Variants in PTPRD observed in about 807,000 individuals in gnomAD.
PTPRD encodes receptor-type tyrosine-protein phosphatase delta.
Under a neutral mutation model 214.5 loss-of-function variants are expected in PTPRD, and 34 were observed. That is an observed-to-expected ratio of 0.16 (90% CI 0.12 to 0.21). The LOEUF is 0.21. PTPRD is among the 10% of genes least tolerant of loss of function. The probability of loss-of-function intolerance (pLI) is 1.00; values close to 1 mark genes in which losing one functional copy is unlikely to be tolerated. For missense variants in PTPRD, 2,545 were observed against 2,398.7 expected (o/e 1.06, Z -1.27); for synonymous variants, 1,128 against 845.7 (o/e 1.33, Z -5.79).
intron 10 of PTPRD, among the ~76,000 whole-genome samples, chr9:9,113,399 A>G (rs1006148549): frequency 6.6e-6 from 1 of 152,088 alleles, no homozygotes; most frequent in Non-Finnish European, 1.5e-5. Flanking sequence ...AAAGGGGGAG[A>G]GTGTTGTCCT....
At chr9:9,254,344 T>C (rs1307227908) in intron 9 of PTPRD, among the ~76,000 whole-genome samples, 1 of 152,030 alleles carries the variant, frequency 6.6e-6, no homozygotes, top group East Asian at 1.9e-4. Flanking sequence ...ATTTATAAAT[T>C]ATATGGATGT....
At chr9:8,422,348 A>T (rs2094426235) in intron 35 of PTPRD, among the ~76,000 whole-genome samples, 1 of 152,088 alleles carries the variant, frequency 6.6e-6, no homozygotes, top group Admixed American at 6.6e-5. Context: ...CACATAGAAA[A>T]ACAAACATCC....
intron 2 of PTPRD, among the ~76,000 whole-genome samples, chr9:10,595,264 A>G (rs1489346509): frequency 6.6e-6 from 1 of 151,956 alleles, no homozygotes; most frequent in Non-Finnish European, 1.5e-5. Context: ...TGCTAATTAA[A>G]GAAAATCAAT....
chr9:9,797,775 G>T (rs1000461526), intron 5 of PTPRD, among the ~76,000 whole-genome samples: 1 of 152,170 alleles, frequency 6.6e-6, no homozygotes, highest in African/African-American at 2.4e-5. Flanking sequence ...TTGACCCCAG[G>T]CTGTGGAGGT....
intron 36 of PTPRD, among the ~76,000 whole-genome samples, chr9:8,391,207 T>C (rs1254857816): frequency 6.6e-6 from 1 of 152,138 alleles, no homozygotes; most frequent in East Asian, 1.9e-4. Flanking sequence ...TGATTGCCAC[T>C]TGCAATGACT....
intron 11 of PTPRD, among the ~76,000 whole-genome samples, chr9:8,756,310 T>C (rs888165199): frequency 6.6e-6 from 1 of 152,182 alleles, no homozygotes; most frequent in Non-Finnish European, 1.5e-5. Flanking sequence ...GGTTTTGTTG[T>C]CATTGTCCCC....
At chr9:8,885,863 T>C (rs949677347) in intron 11 of PTPRD, among the ~76,000 whole-genome samples, 12 of 152,240 alleles carry the variant, frequency 7.9e-5, no homozygotes, top group East Asian at 3.9e-4. Flanking sequence ...ATTATGAACA[T>C]AGAGAACATT....
intron 3 of PTPRD, among the ~76,000 whole-genome samples, chr9:10,169,260 G>C (rs2099183344): frequency 6.6e-6 from 1 of 151,692 alleles, no homozygotes; most frequent in Admixed American, 6.6e-5. Context: ...GGATCACGAG[G>C]TCAGGAGATC....
intron 7 of PTPRD, among the ~76,000 whole-genome samples, chr9:9,578,627 T>C (rs2089792512): frequency 6.6e-6 from 1 of 152,130 alleles, no homozygotes; most frequent in Admixed American, 6.6e-5. Flanking sequence ...AGGAAAATAA[T>C]ATTTAATCAG....
At chr9:8,350,479 A>C (rs181293898) in intron 39 of PTPRD, among the ~76,000 whole-genome samples, 2 of 152,322 alleles carry the variant, frequency 1.3e-5, no homozygotes, top group Admixed American at 1.3e-4. Context: ...ATCTATGAGA[A>C]AAGATTGAGT....
At chr9:10,010,174 G>C (rs1274809876) in intron 4 of PTPRD, among the ~76,000 whole-genome samples, 4 of 151,782 alleles carry the variant, frequency 2.6e-5, no homozygotes, top group Admixed American at 6.6e-5. Context: ...ACTTGTCCAT[G>C]TTCACCCAAC....
At chr9:8,936,123 C>T (rs1288056056) in intron 11 of PTPRD, 1 of 152,070 alleles carries the variant, frequency 6.6e-6, no homozygotes, top group Non-Finnish European at 1.5e-5. Context: ...AGAAAGAGAA[C>T]TTCAGGTCCA....
At chr9:8,341,354 C>G in intron 40 of PTPRD, 86 bp from the exon 41 acceptor site, 1 of 1,368,258 alleles carries the variant, frequency 7.3e-7, no homozygotes, top group Non-Finnish European at 9.9e-7. Context: ...CCAGATTTCC[C>G]TTTTAGATAT....
At chr9:10,460,759 A>G (rs575133689) in intron 2 of PTPRD, among the ~76,000 whole-genome samples, 187 of 152,270 alleles carry the variant, frequency 1.2e-3, no homozygotes, top group Non-Finnish European at 4.6e-4. Flanking sequence ...TGAGAGACCT[A>G]AACATAAGAC....
In PTPRD at chr9:8,580,947, G is replaced by A. The variant is rs866932408; in HGVS notation, c.353-52168C>T. 3.3e-5 allele frequency among the ~76,000 whole-genome samples: 5 copies of A among 152,290 alleles called. No homozygotes were observed. The Middle Eastern group carries it at 0.01, about 313-fold the overall frequency. ...TAGGTTTGCTGAAAAATGAAAAGCA[G>A]ATTTGTTGTTGGTAATTGCAAATGC... On this transcript the variant is annotated intron_variant, in intron 14 of 45. Coordinates refer to ENST00000381196, the MANE Select transcript of PTPRD (RefSeq NM_002839.4).
chr9:8,569,984 CCA>C (rs1156350131), intron 14 of PTPRD, among the ~76,000 whole-genome samples: 2 of 152,064 alleles, frequency 1.3e-5, no homozygotes, highest in Non-Finnish European at 2.9e-5. Context: ...GTTAGAAAAA[CCA>C]CAGTTTCCGT....
chr9:8,488,002 CTGAG>C (rs1454577812), intron 27 of PTPRD, among the ~76,000 whole-genome samples: 6 of 151,938 alleles, frequency 3.9e-5, no homozygotes, highest in Non-Finnish European at 8.8e-5. Flanking sequence ...GCTGTCCAGC[CTGAG>C]TGACAGTGAA....
intron 6 of PTPRD, among the ~76,000 whole-genome samples, chr9:9,751,672 G>C (rs1418868114): frequency 1.3e-5 from 2 of 152,080 alleles, no homozygotes; most frequent in Admixed American, 1.3e-4. Context: ...ATCATGTGAA[G>C]ATGAAGACAG....
At chr9:8,579,411 T>G (rs1275657143) in intron 14 of PTPRD, among the ~76,000 whole-genome samples, 1 of 152,192 alleles carries the variant, frequency 6.6e-6, no homozygotes, top group Non-Finnish European at 1.5e-5. Context: ...CCTTATTAGT[T>G]TTAAATACCT....
Sources: allele counts gnomAD v4.1 joint callset (sites outside exome capture counted in the v4.1 genomes callset), GRCh38; gene constraint gnomAD v4.1.1; transcripts MANE v1.5; gene names NCBI Gene and HGNC (gene_info 2026-07-23, HGNC 2026-07-21).